Variants in TBX18 observed in about 807,000 individuals in gnomAD.
TBX18 encodes the protein T-box transcription factor TBX18.
TBX18 carries 21 observed loss-of-function variants against 55.0 expected under a neutral mutation model. The ratio of observed to expected loss-of-function variants is 0.38; its 90% CI spans 0.27 to 0.55. TBX18 has a LOEUF of 0.55. TBX18 is among the 20% of genes least tolerant of loss of function. The probability of loss-of-function intolerance (pLI) is 0.73; values close to 1 mark genes in which losing one functional copy is unlikely to be tolerated. For synonymous variants in TBX18, 342 were observed against 326.1 expected, an observed-to-expected ratio of 1.05 and a Z score of -0.53; for missense variants, 840 against 799.6, an observed-to-expected ratio of 1.05 and a Z score of -0.61.
chr6:84,750,153 C>T (rs563961411), intron 4 of TBX18, among the ~76,000 whole-genome samples: 1 of 152,078 alleles, frequency 6.6e-6, no homozygotes, highest in African/African-American at 2.4e-5. Context: ...GGCGTGGTGG[C>T]ACATGCCTGT....
At chr6:84,750,492 T>A (rs1308262170) in intron 4 of TBX18, among the ~76,000 whole-genome samples, 1 of 152,122 alleles carries the variant, frequency 6.6e-6, no homozygotes, top group Non-Finnish European at 1.5e-5. Context: ...CCCTGTTTGA[T>A]ATGCAGGGTT....
intron 5 of TBX18, among the ~76,000 whole-genome samples, chr6:84,746,828 A>G (rs1247273282): frequency 1.3e-5 from 2 of 150,588 alleles, no homozygotes; most frequent in Non-Finnish European, 3.0e-5. Context: ...TAATAAATAA[A>G]TTATATTATT....
intron 2 of TBX18, 140 bp from the exon 3 acceptor site, chr6:84,760,496 C>T (rs536530123): frequency 3.6e-6 from 2 of 550,796 alleles, no homozygotes; most frequent in Admixed American, 3.4e-5. Flanking sequence ...CAATGTAATT[C>T]AAGGAGTCAG....
At position 84,764,103 on chromosome 6, in the gene TBX18, C is replaced by G. The variant is rs772573127; in HGVS notation, c.79G>C (p.Gly27Arg). The change falls in exon 1 of 8, where the codon GGC (glycine) becomes CGC (arginine). Residue 27 changes from glycine to arginine, a missense_variant. Physicochemically the swap from Gly to Arg is moderately radical, Grantham distance 125. Coordinates refer to ENST00000369663, the MANE Select transcript of TBX18 (RefSeq NM_001080508.3). ...TGAAGCTGTTGCTGCTTCTCGGCGCCGATCAGCGCCTCCACCGAGAAAGCG... is the reference window on the plus strand; with the variant it reads ...TGAAGCTGTTGCTGCTTCTCGGCGCGGATCAGCGCCTCCACCGAGAAAGCG... ...AHAFSVEALI[G>R]AEKQQQLQKK... 4.4e-6 allele frequency: 7 copies of G among 1,586,216 alleles called. No individual in the cohort carries two copies. The highest frequency in any genetic ancestry group is 1.7e-5 in the Admixed American group (1 of 58,746).
chr6:84,737,372 C>T lies in TBX18; in HGVS notation c.1137G>A (p.Gly379=), dbSNP rs1766907783. ...ASSSTLLQGT[G]NGVPATHPHL... ...GAGGGTGAGTGGCAGGAACGCCATT[C>T]CCAGTACCTTGGAGCAAGGTGGAGG... Residue 379 remains glycine (G), a synonymous_variant, in exon 8 of 8, where the codon GGG becomes GGA. Coordinates refer to ENST00000369663, the MANE Select transcript of TBX18 (RefSeq NM_001080508.3). 1 of 1,535,082 alleles carries T rather than the reference C, an allele frequency of 6.5e-7. No individual in the cohort carries two copies. The highest frequency in any genetic ancestry group is 2.1e-5 in the Admixed American group (1 of 47,840).
At position 84,763,927 on chromosome 6, in the gene TBX18, C is replaced by T; in HGVS notation, c.255G>A (p.Pro85=). 1.9e-6 allele frequency: 3 copies of T among 1,572,194 alleles called. No homozygotes were observed. Among genetic ancestry groups the T allele is most frequent in the Non-Finnish European group, 2.6e-6 (3 of 1,165,398 alleles). Residue 85 remains proline, a synonymous_variant, in exon 1 of 8, where the codon CCG becomes CCA. Coordinates refer to ENST00000369663, the MANE Select transcript of TBX18 (RefSeq NM_001080508.3). The part of the protein sequence containing the change: ...LPPPAGATSG[P]ARSGADLERG... ...GCTCCAGGTCTGCGCCACTCCGAGC[C>T]GGCCCAGACGTCGCCCCAGCCGGCG...
chr6:84,756,025 C>A (rs1767477555), intron 4 of TBX18, among the ~76,000 whole-genome samples: 1 of 152,128 alleles, frequency 6.6e-6, no homozygotes. Flanking sequence ...AAAATGCTGG[C>A]TTTGAACAGA....
In TBX18 at chr6:84,733,941, G is replaced by T. The variant is rs1344438003; in HGVS notation, c.*2744C>A. On this transcript the variant is annotated 3_prime_UTR_variant, in exon 8 of 8. Coordinates refer to ENST00000369663, the MANE Select transcript of TBX18 (RefSeq NM_001080508.3). ...AGGATTCCTGACCCCTTACATTCCA[G>T]AAATCAAGGGTCAGCAACTGGGTGC... is the stretch of plus-strand genomic sequence containing the variant. The T allele has an allele frequency of 6.6e-6, 1 of 152,160 alleles. No individual in the cohort carries two copies. The highest frequency in any genetic ancestry group is 2.4e-5 in the African/African-American group (1 of 41,448). 9.4% of individuals were successfully genotyped at this position (152,160 alleles called of 1,614,324 possible). A position where few individuals can be genotyped will look rare whatever the true frequency, so the allele number is the denominator to read the frequency against.
intron 5 of TBX18, 117 bp from the exon 6 acceptor site, chr6:84,744,442 CT>C: frequency 2.7e-6 from 2 of 728,180 alleles, no homozygotes; most frequent in South Asian, 2.1e-5. Flanking sequence ...TTGTATAAGC[CT>C]CTTTTATTCC....
Position 84,764,174 on chromosome 6 carries a change from T to A in TBX18, c.8A>T (p.Glu3Val). Residue 3 changes from glutamate to valine, a missense_variant, in exon 1 of 8, where the codon GAG becomes GTG. Transcript: ENST00000369663. MA[E>V]KRRGSPCSML... ...GCTGCACGGCGAGCCCCTTCGCTTC[T>A]CGGCCATCCCCCCCGCCCCGCGCCC... 3 of 1,482,390 alleles carry A rather than the reference T, an allele frequency of 2.0e-6. No individual in the cohort carries two copies. Among genetic ancestry groups the A allele is most frequent in the Non-Finnish European group, 2.7e-6 (3 of 1,124,838 alleles). The allele number at this position is 1,482,390 out of a possible 1,614,324, so 91.8% of individuals were successfully genotyped here.
In TBX18 at chr6:84,763,898, C is replaced by T. The variant is rs1473520468; in HGVS notation, c.284G>A (p.Gly95Glu). Reference protein sequence around the residue: ...PARSGADLERGAAGGCEDGFQ... With the variant: ...PARSGADLEREAAGGCEDGFQ... ...GGAAGGGGCCCACTCACCCGCGGCT[C>T]CGCGCTCCAGGTCTGCGCCACTCCG... Residue 95 changes from glycine (G) to glutamate (E), a missense_variant, in exon 1 of 8, where the codon GGA (glycine) becomes GAA (glutamate). Coordinates refer to ENST00000369663, the MANE Select transcript of TBX18 (RefSeq NM_001080508.3). The T allele has an allele frequency of 2.0e-6, 3 of 1,511,772 alleles. No homozygotes were observed. Among genetic ancestry groups the T allele is most frequent in the South Asian group, 2.6e-5 (2 of 77,866 alleles). The allele number at this position is 1,511,772 out of a possible 1,614,324, so 93.6% of individuals were successfully genotyped here.
chr6:84,743,484 T>A (rs945306334), intron 6 of TBX18, among the ~76,000 whole-genome samples: 4 of 152,196 alleles, frequency 2.6e-5, no homozygotes, highest in African/African-American at 9.6e-5. Flanking sequence ...AAAAACAAGC[T>A]GCTTTTAAAA....
At chr6:84,752,733 A>T (rs866535596) in intron 4 of TBX18, among the ~76,000 whole-genome samples, 4 of 152,128 alleles carry the variant, frequency 2.6e-5, no homozygotes, top group Admixed American at 6.5e-5. Flanking sequence ...TGCTGCTTCC[A>T]CACCTGATTC....
At chr6:84,740,043 T>C (rs1767007138) in intron 6 of TBX18, among the ~76,000 whole-genome samples, 1 of 152,180 alleles carries the variant, frequency 6.6e-6, no homozygotes, top group African/African-American at 2.4e-5. Context: ...CTCATGAGGC[T>C]GCACATAAGC....
In TBX18 at chr6:84,733,332, A is replaced by G. The variant is rs1773853324; in HGVS notation, c.*3353T>C. Reference sequence around the variant, plus strand: ...ATCTGAGCATTTCTTTTTAGAAAGGATGAACAATGAGATTAAAACACAACA... The same window carrying G: ...ATCTGAGCATTTCTTTTTAGAAAGGGTGAACAATGAGATTAAAACACAACA... On this transcript the variant is annotated 3_prime_UTR_variant, in exon 8 of 8. Coordinates refer to ENST00000369663, the MANE Select transcript of TBX18 (RefSeq NM_001080508.3). 1 of 152,194 alleles carries G rather than the reference A, an allele frequency of 6.6e-6. No individual in the cohort carries two copies. Among genetic ancestry groups the G allele is most frequent in the South Asian group, 2.1e-4 (1 of 4,828 alleles). 9.4% of individuals were successfully genotyped at this position (152,194 alleles called of 1,614,324 possible).
At position 84,734,763 on chromosome 6, in the gene TBX18, T is replaced by C. The variant is rs1773895155; in HGVS notation, c.*1922A>G. 6.6e-6 allele frequency: 1 copy of C among 152,488 alleles called. No individual in the cohort carries two copies. Among genetic ancestry groups the C allele is most frequent in the African/African-American group, 2.4e-5 (1 of 41,454 alleles). The allele number at this position is 152,488 out of a possible 1,614,324, so 9.4% of individuals were successfully genotyped here. Reference sequence around the variant, plus strand: ...TGTTTTTTCAAGATGGAAAACTCTCTGTTCTTGAATTATACACCAAGCACT... The same window carrying C: ...TGTTTTTTCAAGATGGAAAACTCTCCGTTCTTGAATTATACACCAAGCACT... On this transcript the variant is annotated 3_prime_UTR_variant, in exon 8 of 8. Transcript: ENST00000369663.
Position 84,736,859 on chromosome 6 carries a change from G to A in TBX18, c.1650C>T (p.Ser550=). 1 of 1,613,492 alleles carries A rather than the reference G, an allele frequency of 6.2e-7. No individual in the cohort carries two copies. The highest frequency in any genetic ancestry group is 1.1e-5 in the South Asian group (1 of 90,880). ...GTGAGGACCCCAAGAAACTTCCTTGGGAAGAAACAATTTTCTCAGGACTGG... is the reference window on the plus strand; with the variant it reads ...GTGAGGACCCCAAGAAACTTCCTTGAGAAGAAACAATTTTCTCAGGACTGG... ...LAASPEKIVS[S]QGSFLGSSPS... is the part of the protein sequence containing the mutation. Residue 550 remains serine (S), a synonymous_variant, in exon 8 of 8, where the codon TCC becomes TCT. Transcript: ENST00000369663.
intron 4 of TBX18, among the ~76,000 whole-genome samples, chr6:84,756,210 G>GT (rs1258187498): frequency 1.3e-5 from 2 of 152,204 alleles, no homozygotes; most frequent in African/African-American, 2.4e-5. Flanking sequence ...AATGATTGTT[G>GT]TAACATTTTG....
Position 84,736,931 on chromosome 6 carries a change from G to T in TBX18, c.1578C>A (p.Pro526=), listed in dbSNP as rs745436531. ...GSYNTFRLHS[P]CALYGYNFST... ...AGAAGTTATATCCATATAGTGCACA[G>T]GGGCTGTGTAATCTAAAAGTATTAT... The change falls in exon 8 of 8, where the codon CCC becomes CCA. Residue 526 remains proline, a synonymous_variant. Coordinates refer to ENST00000369663, the MANE Select transcript of TBX18 (RefSeq NM_001080508.3). The T allele has an allele frequency of 8.7e-5, 140 of 1,610,760 alleles. No individual in the cohort carries two copies. The Middle Eastern group carries it at 3.6e-3, about 42-fold the overall frequency.
Sources: gnomAD v4.1 joint callset for allele counts (sites outside exome capture counted in the v4.1 genomes callset) on GRCh38, gnomAD v4.1.1 for gene constraint, MANE v1.5 for transcripts, NCBI Gene and HGNC (gene_info 2026-07-23, HGNC 2026-07-21) for gene names.